ITSN2: variants seen among roughly 807,000 people sequenced by gnomAD.
ITSN2 encodes the protein intersectin 2, also known as intersectin-2.
A neutral mutation model predicts 243.7 loss-of-function variants in ITSN2; 156 were observed. That is an observed-to-expected ratio of 0.64 (90% CI 0.56 to 0.73). ITSN2 has a LOEUF of 0.73. Ranked by LOEUF, ITSN2 falls within the 30% of genes least tolerant of loss-of-function variation. ITSN2 has a pLI of 0.00. For synonymous variants in ITSN2, 703 were observed against 699.9 expected, an observed-to-expected ratio of 1.00 and a Z score of -0.07; for missense variants, 1,801 against 1,996.1, an observed-to-expected ratio of 0.90 and a Z score of 1.86.
chr2:24,349,172 G>A (rs959055008), intron 1 of ITSN2, among the ~76,000 whole-genome samples: 6 of 151,816 alleles, frequency 4.0e-5, no homozygotes, highest in East Asian at 1.9e-4. Flanking sequence ...TTTTTTTAAA[G>A]CAAACTCCAA....
intron 28 of ITSN2, 71 bp downstream of exon 28, chr2:24,246,726 G>T: frequency 1.1e-6 from 1 of 871,544 alleles, no homozygotes; most frequent in Non-Finnish European, 1.9e-6. Flanking sequence ...CAAAGATTGA[G>T]CTAATCTAAG....
At chr2:24,223,158 G>A (rs1178018334) in intron 29 of ITSN2, among the ~76,000 whole-genome samples, 1 of 152,172 alleles carries the variant, frequency 6.6e-6, no homozygotes, top group East Asian at 1.9e-4. Flanking sequence ...ACCAAGAAGG[G>A]CAGCAGAGCG....
intron 8 of ITSN2, among the ~76,000 whole-genome samples, chr2:24,306,181 T>C (rs1574245210): frequency 6.6e-6 from 1 of 152,126 alleles, no homozygotes; most frequent in South Asian, 2.1e-4. Flanking sequence ...GGTTTCACCA[T>C]GTTGACCAGG....
chr2:24,317,842 A>T (rs1684104870), intron 2 of ITSN2, among the ~76,000 whole-genome samples: 1 of 152,210 alleles, frequency 6.6e-6, no homozygotes, highest in African/African-American at 2.4e-5. Context: ...GTCTCATTGC[A>T]GGTGGCATTG....
intron 8 of ITSN2, among the ~76,000 whole-genome samples, chr2:24,307,011 G>A (rs996341250): frequency 6.6e-6 from 1 of 152,006 alleles, no homozygotes; most frequent in African/African-American, 2.4e-5. Flanking sequence ...TCACCATGTT[G>A]GCCAGGATGG....
chr2:24,252,080 C>T (rs1345439263), intron 25 of ITSN2, among the ~76,000 whole-genome samples: 1 of 152,166 alleles, frequency 6.6e-6, no homozygotes. Flanking sequence ...TATCATGAAG[C>T]TCAACCCTAC....
At chr2:24,220,632 C>T in intron 30 of ITSN2, 1 of 1,231,840 alleles carries the variant, frequency 8.1e-7, no homozygotes, top group East Asian at 3.8e-5. Flanking sequence ...TCCACTCTAT[C>T]CCCGTCCTTC....
rs536643185 is a variant in ITSN2 at position 24,306,136 on chromosome 2, C to A, written c.794-2274G>T. Among the ~76,000 whole-genome samples, 3 of 152,106 alleles carry A rather than the reference C, an allele frequency of 2.0e-5. No homozygotes were observed. The South Asian group carries it at 6.2e-4, about 32-fold the overall frequency. On this transcript the variant is annotated intron_variant, in intron 8 of 39. Coordinates refer to ENST00000355123, the MANE Select transcript of ITSN2 (RefSeq NM_006277.3). ...CTAGGATTACAGGCGTCCACCACCA[C>A]GCCTGGTTAATTTTTATATTTTTAG...
rs544433301 is a variant in ITSN2, at chr2:24,314,608, T to C, written c.124+524A>G. On this transcript the variant is annotated intron_variant, in intron 3 of 39. Transcript: ENST00000355123. ...ATCATTGTTCTCATAGTTACTATTA[T>C]TGTATGTAAAGCACTAAGCTACTTT... 5.9e-5 allele frequency among the ~76,000 whole-genome samples: 9 copies of C among 152,350 alleles called. No individual in the cohort carries two copies. The South Asian group carries it at 1.4e-3, about 25-fold the overall frequency.
chr2:24,320,020 C>T (rs1294108268), intron 2 of ITSN2, among the ~76,000 whole-genome samples: 1 of 152,160 alleles, frequency 6.6e-6, no homozygotes, highest in African/African-American at 2.4e-5. Flanking sequence ...AAAGTGTGTG[C>T]AATTATGAAT....
intron 14 of ITSN2, among the ~76,000 whole-genome samples, chr2:24,294,922 C>T (rs1035146344): frequency 1.3e-5 from 2 of 152,096 alleles, no homozygotes; most frequent in Non-Finnish European, 2.9e-5. Context: ...CATGTGAAGA[C>T]GCAGCAAGAA....
chr2:24,276,698 T>C (rs1490816731), intron 17 of ITSN2, among the ~76,000 whole-genome samples: 1 of 152,204 alleles, frequency 6.6e-6, no homozygotes, highest in Non-Finnish European at 1.5e-5. Context: ...GCTCCTCCCA[T>C]TCCCATCAGG....
Position 24,301,175 on chromosome 2 carries a change from C to G in ITSN2, c.1060G>C (p.Glu354Gln). Residue 354 changes from glutamate to glutamine, a missense_variant, in exon 11 of 40, where the codon GAG becomes CAG. Coordinates refer to ENST00000355123, the MANE Select transcript of ITSN2 (RefSeq NM_006277.3). ...ATACCTGGTAATTTCTTCTGAGGCT[C>G]CTCTTCTTGCATTTTCTGATATGAA... Reference protein sequence around the residue: ...LPSYQKMQEEEPQKKLPVTFE... With the variant: ...LPSYQKMQEEQPQKKLPVTFE... The G allele has an allele frequency of 6.2e-7, 1 of 1,605,788 alleles. No homozygotes were observed. Among genetic ancestry groups the G allele is most frequent in the Non-Finnish European group, 8.5e-7 (1 of 1,174,242 alleles).
intron 1 of ITSN2, among the ~76,000 whole-genome samples, chr2:24,351,759 C>T (rs944363945): frequency 2.0e-5 from 3 of 152,162 alleles, no homozygotes; most frequent in Non-Finnish European, 4.4e-5. Flanking sequence ...CCATTAGTCA[C>T]TTAGTAGCTG....
chr2:24,310,628 T>C lies in ITSN2; in HGVS notation c.417A>G (p.Ser139=), dbSNP rs772053557. 6 of 1,614,006 alleles carry C rather than the reference T, an allele frequency of 3.7e-6. No homozygotes were observed. The highest frequency in any genetic ancestry group is 5.1e-6 in the Non-Finnish European group (6 of 1,179,996). ...TGGTCCCTGAAGTCGCAGAAGACAA[T>C]GATGTTATAGGTGCAGCTGGAGGCA... ...QPLPPAAPIT[S]LSSATSGTNL... Residue 139 remains serine (S), a synonymous_variant, in exon 6 of 40, where the codon TCA becomes TCG. Coordinates refer to ENST00000355123, the MANE Select transcript of ITSN2 (RefSeq NM_006277.3).
At chr2:24,216,957 C>T (rs547075754) in intron 31 of ITSN2, among the ~76,000 whole-genome samples, 2 of 151,702 alleles carry the variant, frequency 1.3e-5, no homozygotes, top group African/African-American at 2.4e-5. Flanking sequence ...CAGTGGTGGG[C>T]GCCTGTATCC....
intron 22 of ITSN2, among the ~76,000 whole-genome samples, chr2:24,259,795 G>C (rs886578702): frequency 6.6e-6 from 1 of 152,108 alleles, no homozygotes; most frequent in Non-Finnish European, 1.5e-5. Flanking sequence ...TGAGTAAGAT[G>C]ATCTCTTCTA....
intron 27 of ITSN2, among the ~76,000 whole-genome samples, 198 bp from the exon 28 acceptor site, chr2:24,247,091 A>T (rs1037245648): frequency 1.3e-5 from 2 of 152,192 alleles, no homozygotes; most frequent in African/African-American, 2.4e-5. Flanking sequence ...AGAGTGTCTT[A>T]GTTTACCTGT....
chr2:24,321,208 C>G (rs1397912115), intron 2 of ITSN2, among the ~76,000 whole-genome samples: 8 of 152,190 alleles, frequency 5.3e-5, no homozygotes, highest in Admixed American at 2.0e-4. Flanking sequence ...CGCCAGCTCT[C>G]TGAGGTTTTT....
Sources: allele counts gnomAD v4.1 joint callset (sites outside exome capture counted in the v4.1 genomes callset), GRCh38; gene constraint gnomAD v4.1.1; transcripts MANE v1.5; gene names NCBI Gene and HGNC (gene_info 2026-07-23, HGNC 2026-07-21).